The following SMIM31 variants were observed in gnomAD, a reference collection of about 807,000 sequenced individuals.
SMIM31 encodes human epithelial cell program regulator.
chr4:164,799,029 G>C (rs1733248169), intron 2 of SMIM31, among the ~76,000 whole-genome samples: 1 of 152,152 alleles, frequency 6.6e-6, no homozygotes, highest in African/African-American at 2.4e-5. Flanking sequence ...AAGCTGAGCA[G>C]ATGCCGGTGC....
At chr4:164,771,958 A>G (rs1732808452) in intron 2 of SMIM31, among the ~76,000 whole-genome samples, 1 of 152,230 alleles carries the variant, frequency 6.6e-6, no homozygotes, top group Non-Finnish European at 1.5e-5. Context: ...AGTTTAGTAC[A>G]CTGTTTACTG....
At position 164,790,582 on chromosome 4, in the gene SMIM31, A is replaced by T. The variant is rs188897700; in HGVS notation, c.113-10509A>T. 4.6e-5 allele frequency among the ~76,000 whole-genome samples: 7 copies of T among 152,296 alleles called. No individual in the cohort carries two copies. In the East Asian group the frequency reaches 7.7e-4, roughly 17 times the overall value. Reference sequence around the variant, plus strand: ...TTCCAGTAACAAAGGCTTCTGAAAAACAAAACACAGAAAACCTCAAAGTGA... The same window carrying T: ...TTCCAGTAACAAAGGCTTCTGAAAATCAAAACACAGAAAACCTCAAAGTGA... On this transcript the variant is annotated intron_variant, in intron 2 of 2. Transcript: ENST00000507311.
At chr4:164,782,625 C>T (rs1036049894) in intron 2 of SMIM31, among the ~76,000 whole-genome samples, 6 of 150,398 alleles carry the variant, frequency 4.0e-5, no homozygotes, top group African/African-American at 1.5e-4. Context: ...CCGGCCCCAA[C>T]ACTACTTTGT....
rs72177805 is a variant in SMIM31 at position 164,788,478 on chromosome 4, C to CTTTTTTTTT, written c.113-12593_113-12585dup. On this transcript the variant is annotated intron_variant, in intron 2 of 2. Coordinates refer to ENST00000507311, the MANE Select transcript of SMIM31 (RefSeq NM_001352885.1). ...ATAAAATTTCTTTCTTCTAATTTTT[C>CTTTTTTTTT]TTTTTTTTTTTTTTTTTTTTTTTTT... Among the ~76,000 whole-genome samples the CTTTTTTTTT allele has an allele frequency of 3.0e-3, 177 of 58,190 alleles. 5 individuals carry two copies. Among genetic ancestry groups the CTTTTTTTTT allele is most frequent in the South Asian group, 4.1e-3 (6 of 1,474 alleles). The allele number at this position is 58,190 out of a possible 152,430, so 38.2% of individuals were successfully genotyped here. A position where few individuals can be genotyped will look rare whatever the true frequency, so the allele number is the denominator to read the frequency against.
chr4:164,781,090 T>G (rs1288701682), intron 2 of SMIM31, among the ~76,000 whole-genome samples: 1 of 151,930 alleles, frequency 6.6e-6, no homozygotes, highest in Non-Finnish European at 1.5e-5. Context: ...ATTACAGGTG[T>G]GAGCCACCAT....
intron 1 of SMIM31, among the ~76,000 whole-genome samples, chr4:164,757,526 T>C (rs1732580953): frequency 6.6e-6 from 1 of 152,166 alleles, no homozygotes; most frequent in Non-Finnish European, 1.5e-5. Context: ...CTATGCTTTT[T>C]TTTTTAGAAG....
At chr4:164,795,309 G>C (rs1413936120) in intron 2 of SMIM31, among the ~76,000 whole-genome samples, 1 of 152,210 alleles carries the variant, frequency 6.6e-6, no homozygotes, top group Non-Finnish European at 1.5e-5. Flanking sequence ...TGTAATCCCA[G>C]CACTTTGGGA....
chr4:164,766,444 G>A (rs751825331), intron 1 of SMIM31, among the ~76,000 whole-genome samples: 4 of 152,178 alleles, frequency 2.6e-5, no homozygotes, highest in South Asian at 2.1e-4. Flanking sequence ...CTATAGGTAC[G>A]GAGATAAACA....
intron 2 of SMIM31, among the ~76,000 whole-genome samples, chr4:164,795,842 G>C (rs574216829): frequency 6.6e-6 from 1 of 151,972 alleles, no homozygotes; most frequent in Non-Finnish European, 1.5e-5. Flanking sequence ...TAGTATAAAG[G>C]TGACTAAAGC....
chr4:164,771,414 G>C (rs956907069), intron 2 of SMIM31, among the ~76,000 whole-genome samples: 2 of 152,166 alleles, frequency 1.3e-5, no homozygotes, highest in Non-Finnish European at 1.5e-5. Context: ...AGGAAGCCCG[G>C]AGGTAGTGAG....
intron 2 of SMIM31, among the ~76,000 whole-genome samples, chr4:164,796,430 T>C (rs1169725131): frequency 6.6e-6 from 1 of 152,190 alleles, no homozygotes; most frequent in East Asian, 1.9e-4. Flanking sequence ...TGGGACTCAG[T>C]CCTTCCACCT....
chr4:164,762,662 C>CAAAAAAAAAAAAAAAAAAAA (rs1162067333), intron 1 of SMIM31, among the ~76,000 whole-genome samples: 6 of 100,116 alleles, frequency 6.0e-5, no homozygotes, highest in African/African-American at 2.1e-4. Context: ...GACTCTGTCT[C>CAAAAAAAAAAAAAAAAAAAA]AAAAAAAAAA....
At chr4:164,759,905 G>A (rs1186863216) in intron 1 of SMIM31, among the ~76,000 whole-genome samples, 1 of 152,180 alleles carries the variant, frequency 6.6e-6, no homozygotes, top group African/African-American at 2.4e-5. Context: ...GGAGACTGCG[G>A]GGAGTTCCAA....
chr4:164,757,294 A>G (rs73871399), intron 1 of SMIM31, among the ~76,000 whole-genome samples: 16,996 of 152,168 alleles, frequency 0.11, 1,064 homozygotes, highest in African/African-American at 0.16. Context: ...TGGAGTTTTC[A>G]TAAGTATGTA....
intron 2 of SMIM31, among the ~76,000 whole-genome samples, chr4:164,776,228 G>A (rs12506587): frequency 0.21 from 31,476 of 151,990 alleles, 4,369 homozygotes; most frequent in East Asian, 0.39. Context: ...CTTTCATAGA[G>A]CATTTTAATA....
At chr4:164,766,322 CAG>C (rs1419508403) in intron 1 of SMIM31, among the ~76,000 whole-genome samples, 5 of 152,140 alleles carry the variant, frequency 3.3e-5, no homozygotes, top group African/African-American at 4.8e-5. Flanking sequence ...CTGTGAAATT[CAG>C]AGTTTTGCAT....
intron 2 of SMIM31, among the ~76,000 whole-genome samples, chr4:164,795,547 A>G (rs1733178431): frequency 8.0e-6 from 1 of 125,436 alleles, no homozygotes. Flanking sequence ...TGACAGAGAG[A>G]TACTCCATCT....
At chr4:164,798,272 C>T (rs1169287495) in intron 2 of SMIM31, among the ~76,000 whole-genome samples, 6 of 149,210 alleles carry the variant, frequency 4.0e-5, no homozygotes, top group African/African-American at 5.0e-5. Context: ...CTCGCTCTGT[C>T]GCCCAGTCTG....
intron 2 of SMIM31, among the ~76,000 whole-genome samples, chr4:164,782,372 C>CTTTTTTTTTT (rs1359094792): frequency 7.4e-6 from 1 of 135,876 alleles, no homozygotes; most frequent in African/African-American, 3.4e-5. Flanking sequence ...TTATCTCTTT[C>CTTTTTTTTTT]TTTTATTTTT....
Sources: gnomAD v4.1 joint callset for allele counts (sites outside exome capture counted in the v4.1 genomes callset) on GRCh38, gnomAD v4.1.1 for gene constraint, MANE v1.5 for transcripts, NCBI Gene and HGNC (gene_info 2026-07-23, HGNC 2026-07-21) for gene names.